The following KCNQ2 variants were observed in gnomAD, a reference collection of about 807,000 sequenced individuals.
KCNQ2 encodes potassium voltage-gated channel subfamily Q member 2.
A neutral mutation model predicts 84.8 loss-of-function variants in KCNQ2; 14 were observed. The observed-to-expected ratio is 0.17, with a 90% CI of 0.11 to 0.26. KCNQ2 has a LOEUF of 0.26. Ranked by LOEUF, KCNQ2 falls within the 10% of genes least tolerant of loss-of-function variation. The pLI, the probability that KCNQ2 is intolerant of heterozygous loss-of-function variation, is 1.00. For missense variants in KCNQ2, 788 were observed against 1,254.0 expected (o/e 0.63, Z 5.61); for synonymous variants, 599 against 554.1 (o/e 1.08, Z -1.14).
intron 7 of KCNQ2, among the ~76,000 whole-genome samples, chr20:63,436,512 C>A (rs1405376157): frequency 1.5e-4 from 22 of 149,604 alleles, no homozygotes; most frequent in Middle Eastern, 3.4e-3. Flanking sequence ...GCCTGGGCAA[C>A]AGAGCGAGAC....
At chr20:63,423,596 G>A in intron 11 of KCNQ2, 1 of 153,470 alleles carries the variant, frequency 6.5e-6, no homozygotes, top group Non-Finnish European at 1.5e-5. Context: ...CTAAGCACCT[G>A]CACCCTTGGC....
intron 14 of KCNQ2, 108 bp downstream of exon 14, chr20:63,413,980 G>C: frequency 1.2e-6 from 1 of 831,154 alleles, no homozygotes; most frequent in Non-Finnish European, 2.1e-6. Context: ...AGTAGACTCT[G>C]TCTCTGGGCG....
intron 1 of KCNQ2, among the ~76,000 whole-genome samples, chr20:63,465,718 G>A (rs986452079): frequency 2.0e-5 from 3 of 152,138 alleles, no homozygotes; most frequent in Admixed American, 1.3e-4. Flanking sequence ...CCCAGGACGC[G>A]CTTCCTCCTC....
At chr20:63,439,137 G>T (rs1006411244) in intron 6 of KCNQ2, among the ~76,000 whole-genome samples, 1 of 152,144 alleles carries the variant, frequency 6.6e-6, no homozygotes, top group African/African-American at 2.4e-5. Flanking sequence ...GGGACACCGG[G>T]GCCAGCCTCT....
chr20:63,442,568 C>T (rs1195721492), intron 4 of KCNQ2, 37 bp from the exon 5 acceptor site: 1 of 1,610,284 alleles, frequency 6.2e-7, no homozygotes, highest in Non-Finnish European at 8.5e-7. Context: ...TGACCACCAT[C>T]ACCAGAAGCA....
At chr20:63,447,114 T>C (rs2145792035) in intron 1 of KCNQ2, among the ~76,000 whole-genome samples, 1 of 147,710 alleles carries the variant, frequency 6.8e-6, no homozygotes. Flanking sequence ...CCCTCTCCAC[T>C]CTGGCCCCTG....
chr20:63,451,995 T>G (rs1421510005), intron 1 of KCNQ2, among the ~76,000 whole-genome samples: 2 of 152,256 alleles, frequency 1.3e-5, no homozygotes, highest in South Asian at 2.1e-4. Flanking sequence ...CCACACAGTC[T>G]GAAGCAGAGG....
Position 63,414,052 on chromosome 20 carries a change from C to T in KCNQ2, c.1631+36G>A, listed in dbSNP as rs758340881. The T allele has an allele frequency of 6.5e-6, 10 of 1,531,706 alleles. No homozygotes were observed. Among genetic ancestry groups the T allele is most frequent in the Admixed American group, 1.7e-5 (1 of 59,906 alleles). The allele number at this position is 1,531,706 out of a possible 1,614,324, so 94.9% of individuals were successfully genotyped here. On this transcript the variant is annotated intron_variant, in intron 14 of 16. Transcript: ENST00000359125. This position sits in a 1 kb window ranked among gnomAD's most constrained non-coding sequence, Gnocchi z 6.6. ...GACCACCGAGCGGGAGGCCCCTCCT[C>T]ACTCCCCCAGGCTCCCGGCTGGGCA...
At chr20:63,451,669 C>T (rs1297556328) in intron 1 of KCNQ2, among the ~76,000 whole-genome samples, 1 of 152,126 alleles carries the variant, frequency 6.6e-6, no homozygotes, top group South Asian at 2.1e-4. Flanking sequence ...GTTCCAGGCT[C>T]GATTCACGAC....
At chr20:63,420,523 A>T (rs6062926) in intron 11 of KCNQ2, among the ~76,000 whole-genome samples, 9 of 142,372 alleles carry the variant, frequency 6.3e-5, no homozygotes, top group Non-Finnish European at 1.2e-4. Flanking sequence ...GTGCCCCAGG[A>T]ACCCCAGCGT....
chr20:63,457,748 A>T (rs917899394), intron 1 of KCNQ2, among the ~76,000 whole-genome samples: 5 of 152,218 alleles, frequency 3.3e-5, no homozygotes, highest in Admixed American at 3.3e-4. Flanking sequence ...TTGCTGCAGC[A>T]ACCACAGGTC....
chr20:63,422,165 A>AG (rs1416344754), intron 11 of KCNQ2: 1 of 152,864 alleles, frequency 6.5e-6, no homozygotes, highest in African/African-American at 2.4e-5. Flanking sequence ...CAGGCAGCAG[A>AG]GGGGCGCCAG....
At chr20:63,469,182 C>A (rs1277435769) in intron 1 of KCNQ2, among the ~76,000 whole-genome samples, 1 of 152,172 alleles carries the variant, frequency 6.6e-6, no homozygotes, top group Non-Finnish European at 1.5e-5. Flanking sequence ...GTGATCTGGC[C>A]CAGAGTCCCC....
intron 8 of KCNQ2, chr20:63,433,555 AAC>A (rs1334307717): frequency 4.3e-5 from 30 of 696,360 alleles, no homozygotes; most frequent in Non-Finnish European, 5.4e-5. Context: ...CAACGCACAA[AAC>A]ACAGCACGAC....
chr20:63,456,908 C>T (rs533731101), intron 1 of KCNQ2, among the ~76,000 whole-genome samples: 38 of 152,082 alleles, frequency 2.5e-4, no homozygotes, highest in African/African-American at 8.7e-4. Context: ...AGCAGGGCCC[C>T]GGGGATGAGC....
chr20:63,424,157 T>C lies in KCNQ2; in HGVS notation c.1247+20A>G. ...GCCGTGCACACGGCAGACACCAGGG[T>C]AGCAGCAGGGGGCACTGACCTTGGA... On this transcript the variant is annotated intron_variant, in intron 11 of 16. Transcript: ENST00000359125. 1 of 1,554,202 alleles carries C rather than the reference T, an allele frequency of 6.4e-7. No individual in the cohort carries two copies. The highest frequency in any genetic ancestry group is 8.7e-7 in the Non-Finnish European group (1 of 1,148,212).
At chr20:63,458,093 C>G (rs911381511) in intron 1 of KCNQ2, among the ~76,000 whole-genome samples, 1 of 152,060 alleles carries the variant, frequency 6.6e-6, no homozygotes, top group Admixed American at 6.5e-5. Flanking sequence ...CCCGCCCTCC[C>G]CGACCCCGCA....
chr20:63,426,131 G>A (rs370964272), intron 10 of KCNQ2, among the ~76,000 whole-genome samples: 25 of 152,332 alleles, frequency 1.6e-4, no homozygotes, highest in African/African-American at 4.8e-4. Flanking sequence ...GCAGACTCCC[G>A]AAGTTCGATG....
At chr20:63,437,685 G>T (rs1411257093) in intron 7 of KCNQ2, among the ~76,000 whole-genome samples, 2 of 152,262 alleles carry the variant, frequency 1.3e-5, no homozygotes, top group Non-Finnish European at 2.9e-5. Flanking sequence ...TCTAAGACAG[G>T]AGAGAGCCTA....
Sources: gnomAD v4.1 joint callset for allele counts (sites outside exome capture counted in the v4.1 genomes callset) on GRCh38, gnomAD v4.1.1 for gene constraint, Gnocchi (gnomAD v3.1) non-coding constraint, MANE v1.5 for transcripts, NCBI Gene and HGNC (gene_info 2026-07-23, HGNC 2026-07-21) for gene names.